Variants in ZNF490 observed in about 807,000 individuals in gnomAD.
The protein encoded by ZNF490 is zinc finger protein 490.
Under a neutral mutation model 17.7 loss-of-function variants are expected in ZNF490, and 11 were observed. That is an observed-to-expected ratio of 0.62 (90% CI 0.39 to 1.03). The LOEUF is 1.03. ZNF490 is among the 50% of genes least tolerant of loss of function. ZNF490 has a pLI of 0.00. For synonymous variants in ZNF490, 222 were observed against 216.1 expected, an observed-to-expected ratio of 1.03 and a Z score of -0.24; for missense variants, 542 against 643.4, an observed-to-expected ratio of 0.84 and a Z score of 1.71.
At chr19:12,589,540 T>C (rs1167086592) in intron 2 of ZNF490, among the ~76,000 whole-genome samples, 3 of 150,042 alleles carry the variant, frequency 2.0e-5, no homozygotes, top group Non-Finnish European at 3.0e-5. Flanking sequence ...GATAGCAAAC[T>C]AGGAATAGAA....
intron 2 of ZNF490, among the ~76,000 whole-genome samples, chr19:12,598,381 C>CT (rs1165049825): frequency 2.5e-4 from 38 of 149,938 alleles, no homozygotes; most frequent in South Asian, 4.2e-4. Flanking sequence ...TAATTCTCCC[C>CT]TTTTTTTTTG....
intron 2 of ZNF490, among the ~76,000 whole-genome samples, chr19:12,606,545 A>T (rs1227120702): frequency 6.6e-6 from 1 of 151,796 alleles, no homozygotes; most frequent in East Asian, 1.9e-4. Context: ...CGGTTTCGCC[A>T]TGTTGGCCAG....
chr19:12,604,973 G>A (rs1034364476), intron 2 of ZNF490, among the ~76,000 whole-genome samples: 4 of 152,014 alleles, frequency 2.6e-5, no homozygotes, highest in Non-Finnish European at 5.9e-5. Context: ...GGCCAACATG[G>A]TGAAACCCCT....
At position 12,576,666 on chromosome 19, in the gene ZNF490, A is replaced by C. The variant is rs1311658698; in HGVS notation, c.*3819T>G. 6.6e-6 allele frequency among the ~76,000 whole-genome samples: 1 copy of C among 150,604 alleles called. No individual in the cohort carries two copies. The highest frequency in any genetic ancestry group is 1.5e-5 in the Non-Finnish European group (1 of 67,710). On this transcript the variant is annotated 3_prime_UTR_variant, in exon 5 of 5. Transcript: ENST00000311437. ...CCATCTCTACTAAAAATACAAAAAA[A>C]TTTAGCTGGTTGTGGTGGCACGCGC...
At chr19:12,597,742 C>T (rs1599310832) in intron 2 of ZNF490, among the ~76,000 whole-genome samples, 1 of 152,082 alleles carries the variant, frequency 6.6e-6, no homozygotes, top group Non-Finnish European at 1.5e-5. Context: ...AGCATAATGT[C>T]CTCAATCTTC....
At chr19:12,594,797 CA>C (rs2022913540) in intron 2 of ZNF490, among the ~76,000 whole-genome samples, 1 of 152,174 alleles carries the variant, frequency 6.6e-6, no homozygotes, top group Non-Finnish European at 1.5e-5. Context: ...TCAGCACTCC[CA>C]CCTGGGCAAC....
chr19:12,601,975 G>A (rs969323901), intron 2 of ZNF490, among the ~76,000 whole-genome samples: 2 of 150,946 alleles, frequency 1.3e-5, no homozygotes, highest in Middle Eastern at 3.4e-3. Flanking sequence ...GCCTGGGCGA[G>A]AGAGCAAGAC....
At chr19:12,604,141 GC>G (rs1434346344) in intron 2 of ZNF490, among the ~76,000 whole-genome samples, 15 of 152,350 alleles carry the variant, frequency 9.8e-5, no homozygotes, top group African/African-American at 3.1e-4. Context: ...GGCTCAGAGA[GC>G]CTTCTGGTTG....
chr19:12,600,341 G>A (rs546546805), intron 2 of ZNF490, among the ~76,000 whole-genome samples: 1 of 151,788 alleles, frequency 6.6e-6, no homozygotes, highest in Admixed American at 6.6e-5. Flanking sequence ...ACTCCAGCCT[G>A]AGCGAAAGAG....
Position 12,580,734 on chromosome 19 carries a change from T to C in ZNF490, c.1341A>G (p.Glu447=). The change falls in exon 5 of 5, where the codon GAA becomes GAG. Residue 447 remains glutamate (E), a synonymous_variant. Transcript: ENST00000311437. ...TGAAGACCCGACCACACTGTTTGCA[T>C]TCATAGGGTTTCTCTCTAGTATGGG... ...ERTHTREKPY[E]CKQCGRVFIY... 1 of 1,614,224 alleles carries C rather than the reference T, an allele frequency of 6.2e-7. No individual in the cohort carries two copies. The highest frequency in any genetic ancestry group is 8.5e-7 in the Non-Finnish European group (1 of 1,180,040).
At chr19:12,606,965 C>G (rs747227410) in intron 2 of ZNF490, among the ~76,000 whole-genome samples, 5 of 152,116 alleles carry the variant, frequency 3.3e-5, no homozygotes, top group Non-Finnish European at 7.3e-5. Flanking sequence ...TAGCCCCACC[C>G]AATCATACCT....
intron 2 of ZNF490, among the ~76,000 whole-genome samples, chr19:12,607,641 C>A (rs974674900): frequency 3.3e-5 from 5 of 151,946 alleles, no homozygotes; most frequent in African/African-American, 1.2e-4. Flanking sequence ...GTGACTCACA[C>A]CTGTAATCCC....
rs368512833 is a variant in ZNF490, at chr19:12,584,100, G to A, written c.163-544C>T. Among the ~76,000 whole-genome samples, 32 of 47,750 alleles carry A rather than the reference G, an allele frequency of 6.7e-4. 9 individuals carry two copies. Among genetic ancestry groups the A allele is most frequent in the Admixed American group, 2.1e-3 (11 of 5,248 alleles). The allele number at this position is 47,750 out of a possible 152,430, so 31.3% of individuals were successfully genotyped here. On this transcript the variant is annotated intron_variant, in intron 2 of 4. Coordinates refer to ENST00000311437, the MANE Select transcript of ZNF490 (RefSeq NM_020714.3). ...GCTGGGATTACAGGCGTGAGCCACC[G>A]CACCCTGCCATTATTTCTATATTTT...
In ZNF490 at chr19:12,578,320, A is replaced by T. The variant is rs952742430; in HGVS notation, c.*2165T>A. ...CATGGCAGAGTGTGTCTGTGACTCC[A>T]CTAGCAGTTTTGAGATTATTCTGAC... On this transcript the variant is annotated 3_prime_UTR_variant, in exon 5 of 5. Coordinates refer to ENST00000311437, the MANE Select transcript of ZNF490 (RefSeq NM_020714.3). 1.0e-6 allele frequency: 1 copy of T among 985,504 alleles called. No homozygotes were observed. The highest frequency in any genetic ancestry group is 1.2e-6 in the Non-Finnish European group (1 of 830,062). The allele number at this position is 985,504 out of a possible 1,614,324, so 61.0% of individuals were successfully genotyped here. A position where few individuals can be genotyped will look rare whatever the true frequency, so the allele number is the denominator to read the frequency against.
chr19:12,578,625 A>G lies in ZNF490; in HGVS notation c.*1860T>C, dbSNP rs1388587331. Reference sequence around the variant, plus strand: ...TGCATAGGCAGATCCCACTTGGGGAAAAACTGTAAGATGCGAACCTTTGTC... The same window carrying G: ...TGCATAGGCAGATCCCACTTGGGGAGAAACTGTAAGATGCGAACCTTTGTC... On this transcript the variant is annotated 3_prime_UTR_variant, in exon 5 of 5. Transcript: ENST00000311437. 2 of 985,380 alleles carry G rather than the reference A, an allele frequency of 2.0e-6. No homozygotes were observed. The highest frequency in any genetic ancestry group is 2.4e-6 in the Non-Finnish European group (2 of 829,972). 61.0% of individuals were successfully genotyped at this position (985,380 alleles called of 1,614,324 possible). A position where few individuals can be genotyped will look rare whatever the true frequency, so the allele number is the denominator to read the frequency against.
chr19:12,595,003 C>T lies in ZNF490; in HGVS notation c.163-11447G>A, dbSNP rs182341480. 6.8e-4 allele frequency among the ~76,000 whole-genome samples: 103 copies of T among 152,242 alleles called. 2 individuals carry two copies. Among genetic ancestry groups the T allele is most frequent in the African/African-American group, 2.3e-3 (95 of 41,534 alleles). On this transcript the variant is annotated intron_variant, in intron 2 of 4. Coordinates refer to ENST00000311437, the MANE Select transcript of ZNF490 (RefSeq NM_020714.3). Reference sequence around the variant, plus strand: ...GTGGCTTATTCCTGTAATCCCAGCACCTTGGGAGGCCAAGGCAGGAGGATT... The same window carrying T: ...GTGGCTTATTCCTGTAATCCCAGCATCTTGGGAGGCCAAGGCAGGAGGATT...
intron 2 of ZNF490, among the ~76,000 whole-genome samples, chr19:12,605,697 A>T (rs532040365): frequency 6.6e-6 from 1 of 152,216 alleles, no homozygotes; most frequent in East Asian, 1.9e-4. Flanking sequence ...AGCTTTTGGT[A>T]TTGGACTCCG....
chr19:12,603,636 G>GA (rs1260708825), intron 2 of ZNF490, among the ~76,000 whole-genome samples: 1 of 151,790 alleles, frequency 6.6e-6, no homozygotes, highest in African/African-American at 2.4e-5. Context: ...ACTAAAAATA[G>GA]AAAAAAATAG....
chr19:12,584,550 C>T lies in ZNF490; in HGVS notation c.163-994G>A, dbSNP rs563722850. On this transcript the variant is annotated intron_variant, in intron 2 of 4. Transcript: ENST00000311437. ...ACAAATTGTAAGATCATCAATTCCT[C>T]GTGAGAAAAACTCTTTCATTTTCTA... 6.3e-5 allele frequency among the ~76,000 whole-genome samples: 6 copies of T among 94,524 alleles called. 3 individuals are homozygous for T. Among genetic ancestry groups the T allele is most frequent in the Admixed American group, 2.0e-4 (2 of 10,074 alleles). The allele number at this position is 94,524 out of a possible 152,430, so 62.0% of individuals were successfully genotyped here.
Sources: allele counts gnomAD v4.1 joint callset (sites outside exome capture counted in the v4.1 genomes callset), GRCh38; gene constraint gnomAD v4.1.1; transcripts MANE v1.5; gene names NCBI Gene and HGNC (gene_info 2026-07-23, HGNC 2026-07-21).